Variants in PDS5A observed in about 807,000 individuals in gnomAD.
The protein encoded by PDS5A is PDS5 cohesin associated factor A, also known as sister chromatid cohesion protein PDS5 homolog A.
Under a neutral mutation model 167.1 loss-of-function variants are expected in PDS5A, and 42 were observed. The observed-to-expected ratio is 0.25, with a 90% CI of 0.20 to 0.33. The LOEUF is 0.33. PDS5A is among the 10% of genes least tolerant of loss of function. The pLI is 1.00. For synonymous variants in PDS5A, 553 were observed against 554.6 expected, an observed-to-expected ratio of 1.00 and a Z score of 0.04; for missense variants, 1,033 against 1,605.9, an observed-to-expected ratio of 0.64 and a Z score of 6.10.
rs1396321305 is a variant in PDS5A at position 39,825,203 on chromosome 4, C to T, written c.*282G>A. The T allele has an allele frequency of 3.0e-6, 1 of 336,922 alleles. No homozygotes were observed. Among genetic ancestry groups the T allele is most frequent in the Non-Finnish European group, 5.3e-6 (1 of 186,916 alleles). The allele number at this position is 336,922 out of a possible 1,614,324, so 20.9% of individuals were successfully genotyped here. On this transcript the variant is annotated 3_prime_UTR_variant, in exon 33 of 33. Transcript: ENST00000303538. The stretch of plus-strand genomic sequence containing the variant: ...GCAGGAACTGGAACCAAGTGTTAAG[C>T]AATTTGCTTAATTATTGACTTTTCG...
chr4:39,840,724 A>G (rs1189579409), intron 31 of PDS5A, among the ~76,000 whole-genome samples: 3 of 152,040 alleles, frequency 2.0e-5, no homozygotes, highest in Non-Finnish European at 4.4e-5. Context: ...ACTCCAGGCA[A>G]GTAATTTTTG....
At chr4:39,905,820 G>A (rs555020608) in intron 11 of PDS5A, among the ~76,000 whole-genome samples, 37 of 150,898 alleles carry the variant, frequency 2.5e-4, no homozygotes, top group African/African-American at 6.8e-4. Flanking sequence ...GAGAAAAGGA[G>A]GGAAGAAAGC....
At chr4:39,899,375 A>G (rs1036528742) in intron 14 of PDS5A, among the ~76,000 whole-genome samples, 1 of 152,206 alleles carries the variant, frequency 6.6e-6, no homozygotes, top group African/African-American at 2.4e-5. Context: ...TTTAGTTCAA[A>G]AGTTAGAAAA....
chr4:39,920,261 T>C, intron 7 of PDS5A, 58 bp downstream of exon 7: 1 of 750,704 alleles, frequency 1.3e-6, no homozygotes, highest in South Asian at 1.9e-5. Flanking sequence ...TTCTAATAAA[T>C]TAATACAATG....
In PDS5A at chr4:39,902,549, G is replaced by C. The variant is rs1722971303; in HGVS notation, c.1386-89C>G. On this transcript the variant is annotated intron_variant, in intron 12 of 32. Coordinates refer to ENST00000303538, the MANE Select transcript of PDS5A (RefSeq NM_001100399.2). ...TTTTTTTTTTTTTTTTGGAGACAGG[G>C]TCTTGCTCTGTCACCCAGGCTGGAG... 5.9e-5 allele frequency: 36 copies of C among 610,146 alleles called. 2 individuals carry two copies. In the South Asian group the frequency reaches 7.6e-4, roughly 13 times the overall value. The allele number at this position is 610,146 out of a possible 1,614,324, so 37.8% of individuals were successfully genotyped here. A position where few individuals can be genotyped will look rare whatever the true frequency, so the allele number is the denominator to read the frequency against.
intron 2 of PDS5A, among the ~76,000 whole-genome samples, chr4:39,928,389 A>G (rs187587864): frequency 9.9e-5 from 15 of 152,246 alleles, no homozygotes; most frequent in African/African-American, 4.8e-5. Flanking sequence ...TCTCAGGCAC[A>G]TTGTCTGCAC....
chr4:39,900,904 C>G (rs773406303), intron 13 of PDS5A, among the ~76,000 whole-genome samples: 3 of 152,142 alleles, frequency 2.0e-5, no homozygotes, highest in Non-Finnish European at 4.4e-5. Flanking sequence ...TCCACAGACA[C>G]AGATCAAATC....
intron 2 of PDS5A, among the ~76,000 whole-genome samples, chr4:39,968,762 C>T (rs1021284495): frequency 6.6e-6 from 1 of 150,592 alleles, no homozygotes; most frequent in Non-Finnish European, 1.5e-5. Flanking sequence ...AAATCACTTG[C>T]TCAGTGTATG....
Position 39,882,507 on chromosome 4 carries a change from C to A in PDS5A, c.1887-2674G>T, listed in dbSNP as rs1721045273. ...GAGCTTTTTATTAAGAAATCCTAGT[C>A]AACATTGCTTGAATTTAACAAAATT... On this transcript the variant is annotated intron_variant, in intron 17 of 32. Transcript: ENST00000303538. 3.3e-5 allele frequency among the ~76,000 whole-genome samples: 5 copies of A among 152,118 alleles called. No individual in the cohort carries two copies. In the South Asian group the frequency reaches 1.0e-3, roughly 31 times the overall value.
At position 39,824,918 on chromosome 4, in the gene PDS5A, T is replaced by C. The variant is rs1715149775; in HGVS notation, c.*567A>G. 6.6e-6 allele frequency: 1 copy of C among 152,656 alleles called. No homozygotes were observed. Among genetic ancestry groups the C allele is most frequent in the African/African-American group, 2.4e-5 (1 of 41,448 alleles). The allele number at this position is 152,656 out of a possible 1,614,324, so 9.5% of individuals were successfully genotyped here. On this transcript the variant is annotated 3_prime_UTR_variant, in exon 33 of 33. Coordinates refer to ENST00000303538, the MANE Select transcript of PDS5A (RefSeq NM_001100399.2). Reference sequence around the variant, plus strand: ...GGGAACCGAAATCTGTACATCTCATTTTTGCAGAAAAGTAGGCAGGCAGAA... The same window carrying C: ...GGGAACCGAAATCTGTACATCTCATCTTTGCAGAAAAGTAGGCAGGCAGAA...
intron 31 of PDS5A, among the ~76,000 whole-genome samples, chr4:39,840,755 G>C (rs1327137210): frequency 1.3e-5 from 2 of 151,868 alleles, no homozygotes; most frequent in Non-Finnish European, 2.9e-5. Context: ...GCAGAGACAG[G>C]GTTTCACTTC....
chr4:39,898,282 C>G, intron 16 of PDS5A, 107 bp downstream of exon 16: 1 of 1,368,202 alleles, frequency 7.3e-7, no homozygotes, highest in South Asian at 2.0e-5. Context: ...TCAGAGCTCA[C>G]AATATTGTTA....
chr4:39,851,567 C>T (rs567932477), intron 26 of PDS5A, among the ~76,000 whole-genome samples: 3 of 152,298 alleles, frequency 2.0e-5, no homozygotes, highest in South Asian at 2.1e-4. Flanking sequence ...GGACTGCAGG[C>T]GTAAGCTACC....
At chr4:39,929,543 A>C (rs201416165) in intron 2 of PDS5A, among the ~76,000 whole-genome samples, 4,841 of 133,960 alleles carry the variant, frequency 0.036, 393 homozygotes, top group East Asian at 0.24. Context: ...ATATATATAT[A>C]TATATATATA....
chr4:39,861,329 G>C (rs554810314), intron 26 of PDS5A, among the ~76,000 whole-genome samples: 10 of 152,130 alleles, frequency 6.6e-5, no homozygotes, highest in African/African-American at 2.2e-4. Context: ...GTGGTGGCAG[G>C]CACCTGTAGT....
chr4:39,891,972 G>A (rs933062967), intron 16 of PDS5A, among the ~76,000 whole-genome samples: 4 of 151,862 alleles, frequency 2.6e-5, no homozygotes, highest in Admixed American at 6.6e-5. Flanking sequence ...TTAGCCAGGC[G>A]TGATGGTGCA....
Position 39,898,639 on chromosome 4 carries a change from C to T in PDS5A, c.1631-111G>A, listed in dbSNP as rs954629995. On this transcript the variant is annotated intron_variant, in intron 15 of 32. Transcript: ENST00000303538. ...TGCGGAGCCACTAAAAGAAAATCAGCCTAGCTGGTTCTTAGAAACAAAATT... is the reference window on the plus strand; with the variant it reads ...TGCGGAGCCACTAAAAGAAAATCAGTCTAGCTGGTTCTTAGAAACAAAATT... 69 of 936,350 alleles carry T rather than the reference C, an allele frequency of 7.4e-5. 1 individual carries two copies. In the South Asian group the frequency reaches 1.1e-3, roughly 15 times the overall value. 58.0% of individuals were successfully genotyped at this position (936,350 alleles called of 1,614,324 possible).
In PDS5A at chr4:39,844,462, G is replaced by A. The variant is rs147027852; in HGVS notation, c.3548+194C>T. 5.0e-3 allele frequency among the ~76,000 whole-genome samples: 657 copies of A among 132,428 alleles called. 8 individuals are homozygous for A. Among genetic ancestry groups the A allele is most frequent in the African/African-American group, 0.018 (621 of 33,986 alleles). The allele number at this position is 132,428 out of a possible 152,430, so 86.9% of individuals were successfully genotyped here. A position where few individuals can be genotyped will look rare whatever the true frequency, so the allele number is the denominator to read the frequency against. ...TGCACTCTAGCCTGGGCGGGGACAAGAGCGAGACTTTGTCTCAAAAAAAAA... is the reference window on the plus strand; with the variant it reads ...TGCACTCTAGCCTGGGCGGGGACAAAAGCGAGACTTTGTCTCAAAAAAAAA... On this transcript the variant is annotated intron_variant, in intron 30 of 32. Transcript: ENST00000303538.
chr4:39,951,898 C>CAAAAAAAAAAAAAAAAAAAAAAA (rs1161911794), intron 2 of PDS5A, among the ~76,000 whole-genome samples: 1 of 68,802 alleles, frequency 1.5e-5, no homozygotes, highest in African/African-American at 6.3e-5. Flanking sequence ...GAGTCTGTCT[C>CAAAAAAAAAAAAAAAAAAAAAAA]AAAAAAAAAA....
Sources: gnomAD v4.1 joint callset for allele counts (sites outside exome capture counted in the v4.1 genomes callset) on GRCh38, gnomAD v4.1.1 for gene constraint, MANE v1.5 for transcripts, NCBI Gene and HGNC (gene_info 2026-07-23, HGNC 2026-07-21) for gene names.